Variants in FRMPD1 observed in about 807,000 individuals in gnomAD.
The protein encoded by FRMPD1 is FERM and PDZ domain containing 1, also known as FERM and PDZ domain-containing protein 1.
FRMPD1 carries 76 observed loss-of-function variants against 117.8 expected under a neutral mutation model. The observed-to-expected ratio is 0.65, with a 90% CI of 0.54 to 0.78. The LOEUF is 0.78. Ranked by LOEUF, FRMPD1 falls within the 30% of genes least tolerant of loss-of-function variation. The pLI is 0.00. For missense variants in FRMPD1, 1,786 were observed against 1,964.5 expected (o/e 0.91, Z 1.72); for synonymous variants, 783 against 770.4 (o/e 1.02, Z -0.27).
chr9:37,643,162 T>A, the FRMPD1 span, among the ~76,000 whole-genome samples: 105 of 152,172 alleles, frequency 6.9e-4, 1 homozygote, highest in Non-Finnish European at 1.3e-3. Flanking sequence ...GAAATTAGAG[T>A]CTTTTTTACC....
chr9:37,721,932 T>TA (rs1209745962), intron 6 of FRMPD1, among the ~76,000 whole-genome samples: 6 of 152,186 alleles, frequency 3.9e-5, no homozygotes, highest in African/African-American at 1.4e-4. Flanking sequence ...TATTTACAGA[T>TA]ATAGATAAAA....
intron 9 of FRMPD1, among the ~76,000 whole-genome samples, chr9:37,731,664 G>T (rs564604443): frequency 6.6e-6 from 1 of 152,288 alleles, no homozygotes; most frequent in East Asian, 1.9e-4. Flanking sequence ...TTGAGGTCAG[G>T]AGTTTGAGAA....
chr9:37,619,522 C>G, the FRMPD1 span, among the ~76,000 whole-genome samples: 46 of 152,216 alleles, frequency 3.0e-4, 1 homozygote, highest in South Asian at 9.3e-3. Flanking sequence ...CTTTGGGAGG[C>G]CAAGGTGGGT....
chr9:37,711,271 G>A, intron 4 of FRMPD1, 79 bp from the exon 5 acceptor site: 1 of 915,652 alleles, frequency 1.1e-6, no homozygotes, highest in Non-Finnish European at 1.8e-6. Flanking sequence ...TAACACACAT[G>A]CTCACACATG....
At chr9:37,743,519 GCTTTTTTTTTTT>G (rs1824521641) in intron 15 of FRMPD1, among the ~76,000 whole-genome samples, 1 of 63,760 alleles carries the variant, frequency 1.6e-5, no homozygotes, top group African/African-American at 5.5e-5. Flanking sequence ...GAATGGCTCT[GCTTTTTTTTTTT>G]TTTTTTTTTT....
chr9:37,624,082 C>A, the FRMPD1 span, among the ~76,000 whole-genome samples: 3 of 151,998 alleles, frequency 2.0e-5, no homozygotes, highest in Admixed American at 6.6e-5. Flanking sequence ...TCAAGGGAAC[C>A]AAGAGTAGGA....
intron 1 of FRMPD1, among the ~76,000 whole-genome samples, chr9:37,662,861 A>G (rs1821042164): frequency 6.6e-6 from 1 of 152,196 alleles, no homozygotes. Context: ...TTTAACAAGT[A>G]CTGTTTGTGT....
rs140636721 is a variant in FRMPD1, at chr9:37,707,106, G to A, written c.102-310G>A. On this transcript the variant is annotated intron_variant, in intron 2 of 15. Coordinates refer to ENST00000377765, the MANE Select transcript of FRMPD1 (RefSeq NM_014907.3). ...GCCACCTCTTCCAAGTACCAGATGC[G>A]TCCCTGATTCCCTATTCCCTGCCCT... Among the ~76,000 whole-genome samples, 5 of 152,186 alleles carry A rather than the reference G, an allele frequency of 3.3e-5. No homozygotes were observed. The East Asian group carries it at 5.8e-4, about 18-fold the overall frequency.
chr9:37,705,806 T>C (rs1822681496), intron 2 of FRMPD1, among the ~76,000 whole-genome samples: 1 of 151,624 alleles, frequency 6.6e-6, no homozygotes, highest in Non-Finnish European at 1.5e-5. Context: ...AGAAACCCCA[T>C]CCCTACTAAA....
rs573918303 is a variant in FRMPD1 at position 37,675,956 on chromosome 9, A to T, written c.-4-16682A>T. Among the ~76,000 whole-genome samples, 4 of 152,294 alleles carry T rather than the reference A, an allele frequency of 2.6e-5. No individual in the cohort carries two copies. The East Asian group carries it at 7.7e-4, about 29-fold the overall frequency. ...TAAAGCTTTGATTCTCTTCTGAGAG[A>T]TCATCTCTCTAATCCTTAAAAGAGG... On this transcript the variant is annotated intron_variant, in intron 1 of 15. Coordinates refer to ENST00000377765, the MANE Select transcript of FRMPD1 (RefSeq NM_014907.3).
At chr9:37,718,988 GTT>G (rs1195522996) in intron 5 of FRMPD1, 79 bp from the exon 6 acceptor site, 2 of 829,942 alleles carry the variant, frequency 2.4e-6, no homozygotes, top group Non-Finnish European at 2.1e-6. Flanking sequence ...CAAAGTTTCT[GTT>G]TTTAAGAAAT....
At position 37,745,440 on chromosome 9, in the gene FRMPD1, C is replaced by T. The variant is rs62640013; in HGVS notation, c.3408C>T (p.Ser1136=). ...QEESRKDSGD[S]PGDVSNNVSQ... ...AGTCTAGGAAGGATTCAGGTGACTC[C>T]CCGGGTGATGTGTCAAATAATGTTT... is the stretch of plus-strand genomic sequence containing the variant. The change falls in exon 16 of 16, where the codon TCC becomes TCT. Residue 1136 remains serine (S), a synonymous_variant. Coordinates refer to ENST00000377765, the MANE Select transcript of FRMPD1 (RefSeq NM_014907.3). The T allele has an allele frequency of 3.6e-3, 5,753 of 1,613,862 alleles. 177 individuals carry two copies. In the African/African-American group the frequency reaches 0.065, roughly 18 times the overall value.
the FRMPD1 span, among the ~76,000 whole-genome samples, chr9:37,621,818 G>A: frequency 6.6e-6 from 1 of 151,904 alleles, no homozygotes; most frequent in Non-Finnish European, 1.5e-5. Flanking sequence ...GACAGCTTCT[G>A]GATGGTGAGG....
At chr9:37,708,616 A>C (rs983762352) in intron 4 of FRMPD1, 115 bp downstream of exon 4, 2 of 654,390 alleles carry the variant, frequency 3.1e-6, no homozygotes, top group African/African-American at 3.6e-5. Flanking sequence ...GTCTCCTTTA[A>C]AGCAGCAAAA....
chr9:37,717,341 ATGTGTGTG>A (rs59852335), intron 5 of FRMPD1, among the ~76,000 whole-genome samples: 5,385 of 120,118 alleles, frequency 0.045, 164 homozygotes, highest in African/African-American at 0.064. Flanking sequence ...ATGTGTATAT[ATGTGTGTG>A]TGTGTGTGTG....
intron 1 of FRMPD1, among the ~76,000 whole-genome samples, chr9:37,685,886 C>T (rs1267619205): frequency 6.6e-6 from 1 of 152,220 alleles, no homozygotes; most frequent in African/African-American, 2.4e-5. Flanking sequence ...TTTCATTTCT[C>T]AATAGCTTGT....
chr9:37,702,097 T>C (rs1822553798), intron 2 of FRMPD1, among the ~76,000 whole-genome samples: 1 of 152,254 alleles, frequency 6.6e-6, no homozygotes, highest in Non-Finnish European at 1.5e-5. Flanking sequence ...AGGGTTGAGC[T>C]ATATATCGAG....
intron 15 of FRMPD1, among the ~76,000 whole-genome samples, chr9:37,741,286 CCAGA>C (rs1824403463): frequency 6.6e-6 from 1 of 152,030 alleles, no homozygotes; most frequent in African/African-American, 2.4e-5. Context: ...GCAAGAAGAA[CCAGA>C]CAGACAGGCC....
intron 1 of FRMPD1, among the ~76,000 whole-genome samples, chr9:37,659,682 G>C (rs1820938937): frequency 6.6e-6 from 1 of 151,970 alleles, no homozygotes; most frequent in African/African-American, 2.4e-5. Flanking sequence ...TATATTCTCA[G>C]TGCCCAAATA....
Sources: gnomAD v4.1 joint callset for allele counts (sites outside exome capture counted in the v4.1 genomes callset) on GRCh38, gnomAD v4.1.1 for gene constraint, MANE v1.5 for transcripts, NCBI Gene and HGNC (gene_info 2026-07-23, HGNC 2026-07-21) for gene names.